Variants in ZFPM2 observed in about 807,000 individuals in gnomAD.
The protein encoded by ZFPM2 is zinc finger protein ZFPM2.
In ZFPM2, 20 loss-of-function variants were observed where a neutral mutation model predicts 98.6. The observed-to-expected ratio is 0.20, with a 90% confidence interval of 0.14 to 0.29. The LOEUF (loss-of-function observed/expected upper bound fraction) is 0.29. Ranked by LOEUF, ZFPM2 falls within the 10% of genes least tolerant of loss-of-function variation. The pLI is 1.00. For missense variants in ZFPM2, 1,310 were observed against 1,388.6 expected (o/e 0.94, Z 0.90); for synonymous variants, 518 against 502.7 (o/e 1.03, Z -0.41).
chr8:105,670,495 C>CAAAAAAAA (rs1160128174), intron 5 of ZFPM2, among the ~76,000 whole-genome samples: 2 of 49,270 alleles, frequency 4.1e-5, no homozygotes, highest in Admixed American at 2.5e-4. Context: ...GAGTCCATCT[C>CAAAAAAAA]AAAAAAAAAA....
intron 5 of ZFPM2, among the ~76,000 whole-genome samples, chr8:105,732,013 G>A (rs1811951567): frequency 6.6e-6 from 1 of 151,718 alleles, no homozygotes; most frequent in Non-Finnish European, 1.5e-5. Flanking sequence ...TTATGGAGCT[G>A]AGTGTTTTTG....
intron 3 of ZFPM2, among the ~76,000 whole-genome samples, chr8:105,500,204 A>G (rs1813562401): frequency 6.6e-6 from 1 of 152,146 alleles, no homozygotes; most frequent in Non-Finnish European, 1.5e-5. Flanking sequence ...TCCCTTTTGA[A>G]CCCAATACAT....
intron 4 of ZFPM2, among the ~76,000 whole-genome samples, chr8:105,631,302 G>A (rs1488074693): frequency 6.6e-6 from 1 of 152,100 alleles, no homozygotes; most frequent in African/African-American, 2.4e-5. Flanking sequence ...AGATACATAT[G>A]CTATTACGTT....
At chr8:105,691,685 T>G (rs1332021265) in intron 5 of ZFPM2, among the ~76,000 whole-genome samples, 1 of 152,228 alleles carries the variant, frequency 6.6e-6, no homozygotes, top group East Asian at 1.9e-4. Context: ...CATGTTAGTT[T>G]AGTTTCTTCT....
chr8:105,530,256 C>G (rs1028605085), intron 3 of ZFPM2, among the ~76,000 whole-genome samples: 4 of 152,106 alleles, frequency 2.6e-5, no homozygotes, highest in African/African-American at 9.7e-5. Context: ...CAAGACCAAA[C>G]TTTCATAATC....
intron 3 of ZFPM2, among the ~76,000 whole-genome samples, chr8:105,500,528 C>T (rs1409189871): frequency 6.6e-6 from 1 of 151,946 alleles, no homozygotes. Context: ...ATCTTGACAG[C>T]TATTGAAAGT....
chr8:105,325,703 A>G (rs1289275363), intron 1 of ZFPM2, among the ~76,000 whole-genome samples: 3 of 151,718 alleles, frequency 2.0e-5, no homozygotes, highest in Admixed American at 6.6e-5. Flanking sequence ...TCCAATCACA[A>G]GGGATAGGTA....
chr8:105,587,047 C>G, intron 4 of ZFPM2, among the ~76,000 whole-genome samples: 1 of 151,360 alleles, frequency 6.6e-6, no homozygotes, highest in African/African-American at 2.4e-5. Flanking sequence ...GAGGCCGAGG[C>G]TGGTGGATCA....
chr8:105,608,454 G>A (rs1199990042), intron 4 of ZFPM2, among the ~76,000 whole-genome samples: 1 of 152,034 alleles, frequency 6.6e-6, no homozygotes, highest in East Asian at 1.9e-4. Flanking sequence ...CATACTTTGT[G>A]TGAACATTCA....
chr8:105,644,768 A>G (rs1817011567), intron 5 of ZFPM2, among the ~76,000 whole-genome samples: 1 of 152,198 alleles, frequency 6.6e-6, no homozygotes, highest in South Asian at 2.1e-4. Flanking sequence ...TTCTTGCTGC[A>G]TAGTCACAAA....
chr8:105,774,222 C>T (rs997814130), intron 5 of ZFPM2, among the ~76,000 whole-genome samples: 1 of 152,118 alleles, frequency 6.6e-6, no homozygotes, highest in Non-Finnish European at 1.5e-5. Context: ...CCCACTGTTC[C>T]TCCAGTAGGC....
intron 5 of ZFPM2, among the ~76,000 whole-genome samples, chr8:105,724,304 GTGGGCAA>G (rs1811753809): frequency 1.3e-5 from 2 of 151,846 alleles, no homozygotes; most frequent in Non-Finnish European, 2.9e-5. Flanking sequence ...TCCTGAAATA[GTGGGCAA>G]CCCAGCTGCA....
In ZFPM2 at chr8:105,614,106, C is replaced by T. The variant is rs111715588; in HGVS notation, c.421-20140C>T. ...ATTACCTTCAACACATCTCTTAGTT[C>T]TCTTACCCATTTTATTTTAGCCAAT... is the stretch of plus-strand genomic sequence containing the variant. On this transcript the variant is annotated intron_variant, in intron 4 of 7. Coordinates refer to ENST00000407775, the MANE Select transcript of ZFPM2 (RefSeq NM_012082.4). 5.6e-3 allele frequency among the ~76,000 whole-genome samples: 859 copies of T among 152,192 alleles called. 6 individuals are homozygous for T. The highest frequency in any genetic ancestry group is 0.018 in the African/African-American group (753 of 41,536).
intron 4 of ZFPM2, among the ~76,000 whole-genome samples, chr8:105,571,649 G>C (rs780844363): frequency 6.6e-6 from 1 of 152,214 alleles, no homozygotes; most frequent in African/African-American, 2.4e-5. Flanking sequence ...CCAGCATTAT[G>C]AGGACTTAGC....
intron 3 of ZFPM2, among the ~76,000 whole-genome samples, chr8:105,445,271 T>C (rs1382972696): frequency 1.3e-5 from 2 of 152,146 alleles, no homozygotes; most frequent in South Asian, 2.1e-4. Context: ...CAAACAAAAA[T>C]GAAGATACAG....
At chr8:105,400,681 C>T (rs1263109579) in intron 1 of ZFPM2, among the ~76,000 whole-genome samples, 1 of 152,076 alleles carries the variant, frequency 6.6e-6, no homozygotes, top group Non-Finnish European at 1.5e-5. Flanking sequence ...TTAGGTTGGA[C>T]TATAGTATTT....
chr8:105,742,506 G>C (rs1578995), intron 5 of ZFPM2, among the ~76,000 whole-genome samples: 66,715 of 151,562 alleles, frequency 0.44, 15,755 homozygotes, highest in African/African-American at 0.61. Context: ...TCGTGATTCC[G>C]AGCAATAAAA....
intron 4 of ZFPM2, among the ~76,000 whole-genome samples, chr8:105,591,263 A>G (rs879119834): frequency 6.6e-6 from 1 of 151,820 alleles, no homozygotes; most frequent in Admixed American, 6.6e-5. Context: ...AAAAAAAGCA[A>G]CAACAACAAC....
intron 1 of ZFPM2, among the ~76,000 whole-genome samples, chr8:105,393,358 C>CTTTCTTTCTT (rs1486995741): frequency 1.1e-5 from 1 of 92,472 alleles, no homozygotes; most frequent in Non-Finnish European, 2.1e-5. Context: ...TTCTTTCTTT[C>CTTTCTTTCTT]TTTCTTTCTT....
Sources: gnomAD v4.1 joint callset for allele counts (sites outside exome capture counted in the v4.1 genomes callset) on GRCh38, gnomAD v4.1.1 for gene constraint, MANE v1.5 for transcripts, NCBI Gene and HGNC (gene_info 2026-07-23, HGNC 2026-07-21) for gene names.